Variants in ADCY8 observed in about 807,000 individuals in gnomAD.
ADCY8 encodes adenylate cyclase 8, also known as adenylate cyclase type 8.
Under a neutral mutation model 119.7 loss-of-function variants are expected in ADCY8, and 51 were observed. The ratio of observed to expected loss-of-function variants is 0.43; its 90% confidence interval spans 0.34 to 0.54. The LOEUF is 0.54. ADCY8 is among the 20% of genes least tolerant of loss of function. ADCY8 has a pLI of 0.03. For missense variants in ADCY8, 1,383 were observed against 1,598.8 expected (o/e 0.87, Z 2.30); for synonymous variants, 665 against 651.0 (o/e 1.02, Z -0.33).
chr8:130,785,168 C>T (rs1270575293), intron 16 of ADCY8, among the ~76,000 whole-genome samples: 2 of 152,188 alleles, frequency 1.3e-5, no homozygotes, highest in Non-Finnish European at 2.9e-5. Context: ...AGAACAAAGC[C>T]TAGAAGTTTC....
chr8:131,026,380 G>GT lies in ADCY8; in HGVS notation c.960+12993dup, dbSNP rs141920895. Among the ~76,000 whole-genome samples, 193 of 151,318 alleles carry GT rather than the reference G, an allele frequency of 1.3e-3. 2 individuals carry two copies. The South Asian group carries it at 0.014, about 11-fold the overall frequency. ...GCCTCCAGAACTATGAGAAATAAATGTTTTTTTTTGTTTGTTTGTTACAAG... is the reference window on the plus strand; with the variant it reads ...GCCTCCAGAACTATGAGAAATAAATGTTTTTTTTTTGTTTGTTTGTTACAAG... On this transcript the variant is annotated intron_variant, in intron 1 of 17. Transcript: ENST00000286355.
intron 5 of ADCY8, among the ~76,000 whole-genome samples, chr8:130,931,836 T>C (rs1020740365): frequency 6.6e-6 from 1 of 152,196 alleles, no homozygotes; most frequent in African/African-American, 2.4e-5. Context: ...TCACTTATTA[T>C]TTTCCTCATT....
intron 5 of ADCY8, among the ~76,000 whole-genome samples, chr8:130,935,815 G>A (rs6993226): frequency 0.051 from 7,729 of 152,234 alleles, 620 homozygotes; most frequent in African/African-American, 0.18. Context: ...TGGGTTGTCT[G>A]TGGAAATATC....
chr8:131,014,773 A>G (rs1267202651), intron 1 of ADCY8, among the ~76,000 whole-genome samples: 1 of 152,208 alleles, frequency 6.6e-6, no homozygotes, highest in Non-Finnish European at 1.5e-5. Context: ...CTTACTTCAT[A>G]GGTTGTTGTG....
intron 15 of ADCY8, among the ~76,000 whole-genome samples, chr8:130,787,480 G>T (rs1328143687): frequency 6.6e-6 from 1 of 152,106 alleles, no homozygotes; most frequent in African/African-American, 2.4e-5. Context: ...GTGGGTGTGG[G>T]TGTATATGTG....
chr8:131,038,910 C>G (rs1328354466), intron 1 of ADCY8, among the ~76,000 whole-genome samples: 1 of 152,156 alleles, frequency 6.6e-6, no homozygotes, highest in Non-Finnish European at 1.5e-5. Context: ...CCTTTGAGAA[C>G]TGAGGGTTTG....
intron 9 of ADCY8, among the ~76,000 whole-genome samples, chr8:130,867,215 A>G (rs1219387744): frequency 1.3e-5 from 2 of 152,130 alleles, no homozygotes; most frequent in Non-Finnish European, 2.9e-5. Flanking sequence ...CCTGGACAAT[A>G]TGTGTTTAAT....
At chr8:130,813,095 C>T (rs1816222059) in intron 14 of ADCY8, among the ~76,000 whole-genome samples, 1 of 151,990 alleles carries the variant, frequency 6.6e-6, no homozygotes, top group African/African-American at 2.4e-5. Flanking sequence ...TTACAGGCGC[C>T]TGCCCCCACG....
intron 2 of ADCY8, among the ~76,000 whole-genome samples, chr8:130,975,217 A>G (rs1822036077): frequency 6.6e-6 from 1 of 152,202 alleles, no homozygotes; most frequent in African/African-American, 2.4e-5. Context: ...GCCCTTAGAA[A>G]TTATGTACAC....
intron 12 of ADCY8, among the ~76,000 whole-genome samples, chr8:130,831,969 A>G (rs1052907759): frequency 2.6e-5 from 4 of 152,192 alleles, no homozygotes; most frequent in Non-Finnish European, 5.9e-5. Context: ...TTATATTTCT[A>G]CAGCATAGGG....
chr8:130,785,255 T>C, intron 16 of ADCY8, 128 bp downstream of exon 16: 1 of 582,902 alleles, frequency 1.7e-6, no homozygotes, highest in East Asian at 3.1e-5. Flanking sequence ...ACTATTATAA[T>C]CCAGTCCATT....
At chr8:130,912,109 G>A (rs555077514) in intron 5 of ADCY8, among the ~76,000 whole-genome samples, 1 of 152,280 alleles carries the variant, frequency 6.6e-6, no homozygotes, top group African/African-American at 2.4e-5. Flanking sequence ...TTAGAGTGAA[G>A]CTTGGTTTAA....
intron 8 of ADCY8, among the ~76,000 whole-genome samples, chr8:130,878,655 G>A (rs945588076): frequency 6.6e-6 from 1 of 152,194 alleles, no homozygotes; most frequent in African/African-American, 2.4e-5. Context: ...TGGGGGCAGA[G>A]TGATGGGATG....
intron 14 of ADCY8, among the ~76,000 whole-genome samples, chr8:130,809,360 A>C (rs1031551048): frequency 6.6e-6 from 1 of 152,188 alleles, no homozygotes; most frequent in African/African-American, 2.4e-5. Flanking sequence ...CCTACCTCCT[A>C]TTACACATTG....
At chr8:130,998,116 G>A (rs191746116) in intron 1 of ADCY8, among the ~76,000 whole-genome samples, 10 of 152,282 alleles carry the variant, frequency 6.6e-5, no homozygotes, top group African/African-American at 2.2e-4. Flanking sequence ...TGTCATTCTA[G>A]TGGTGGGAGA....
At chr8:130,921,305 A>T (rs993254583) in intron 5 of ADCY8, among the ~76,000 whole-genome samples, 2 of 152,128 alleles carry the variant, frequency 1.3e-5, no homozygotes, top group African/African-American at 4.8e-5. Flanking sequence ...AAAATTAAAA[A>T]AGCTGAAGTT....
At chr8:130,814,251 G>A (rs1310752290) in intron 13 of ADCY8, 24 bp from the exon 14 acceptor site, 1 of 1,612,138 alleles carries the variant, frequency 6.2e-7, no homozygotes, top group Non-Finnish European at 8.5e-7. Context: ...GAGAGAAAGA[G>A]GAGAATGAGG....
At chr8:130,877,486 T>A (rs976896198) in intron 8 of ADCY8, among the ~76,000 whole-genome samples, 9 of 152,126 alleles carry the variant, frequency 5.9e-5, no homozygotes, top group South Asian at 2.1e-4. Flanking sequence ...TTCCCAAGAA[T>A]CACTAGAGTG....
intron 1 of ADCY8, among the ~76,000 whole-genome samples, chr8:131,031,043 T>C (rs1391170846): frequency 1.3e-5 from 2 of 152,188 alleles, no homozygotes; most frequent in African/African-American, 4.8e-5. Context: ...AGAAAAGCTG[T>C]GCAACAATCC....
Sources: gnomAD v4.1 joint callset for allele counts (sites outside exome capture counted in the v4.1 genomes callset) on GRCh38, gnomAD v4.1.1 for gene constraint, MANE v1.5 for transcripts, NCBI Gene and HGNC (gene_info 2026-07-23, HGNC 2026-07-21) for gene names.